SNAP91: variants seen among roughly 807,000 people sequenced by gnomAD.
The protein encoded by SNAP91 is clathrin coat assembly protein AP180.
In SNAP91, 27 loss-of-function variants were observed where a neutral mutation model predicts 100.3. The observed-to-expected ratio is 0.27, with a 90% confidence interval of 0.20 to 0.37. The LOEUF (loss-of-function observed/expected upper bound fraction) is 0.37. Ranked by LOEUF, SNAP91 falls within the 10% of genes least tolerant of loss-of-function variation. The pLI, the probability that SNAP91 is intolerant of heterozygous loss-of-function variation, is 1.00. For synonymous variants in SNAP91, 404 were observed against 398.6 expected (o/e 1.01, Z -0.16); for missense variants, 986 against 1,123.7 (o/e 0.88, Z 1.75).
rs148301618 is a variant in SNAP91 at position 83,670,909 on chromosome 6, T to C, written c.131-5328A>G. Among the ~76,000 whole-genome samples, 3 of 152,082 alleles carry C rather than the reference T, an allele frequency of 2.0e-5. No homozygotes were observed. In the East Asian group the frequency reaches 5.8e-4, roughly 29 times the overall value. On this transcript the variant is annotated intron_variant, in intron 2 of 29. Coordinates refer to ENST00000369694, the MANE Select transcript of SNAP91 (RefSeq NM_001242792.2). The stretch of plus-strand genomic sequence containing the variant: ...CCACACTACTTTGATTACTATAAAT[T>C]TATCATAATTCATAAAATCAGATAG...
rs118008287 is a variant in SNAP91, at chr6:83,707,510, C to G, written c.130+288G>C. ...ATCTAATTCAGTGTGTACAATCTCT[C>G]TCTTGTGTGTGTGTATATACATATG... On this transcript the variant is annotated intron_variant, in intron 2 of 29. Transcript: ENST00000369694. Among the ~76,000 whole-genome samples, 13 of 148,296 alleles carry G rather than the reference C, an allele frequency of 8.8e-5. No homozygotes were observed. In the East Asian group the frequency reaches 2.6e-3, roughly 30 times the overall value.
At chr6:83,631,569 G>A (rs578262192) in intron 8 of SNAP91, among the ~76,000 whole-genome samples, 127 of 152,124 alleles carry the variant, frequency 8.3e-4, no homozygotes, top group African/African-American at 2.9e-3. Context: ...CCTGTTGGAC[G>A]AGACTTTTAT....
At position 83,705,893 on chromosome 6, in the gene SNAP91, G is replaced by A. The variant is rs114862584; in HGVS notation, c.130+1905C>T. On this transcript the variant is annotated intron_variant, in intron 2 of 29. Coordinates refer to ENST00000369694, the MANE Select transcript of SNAP91 (RefSeq NM_001242792.2). ...AGATTAATAATATAAAGTTCAGTTC[G>A]TGCTATATAGTAACTGCTCAATAAA... Among the ~76,000 whole-genome samples the A allele has an allele frequency of 2.8e-3, 422 of 151,842 alleles. 2 individuals carry two copies. The highest frequency in any genetic ancestry group is 9.8e-3 in the African/African-American group (407 of 41,408).
chr6:83,647,973 C>T (rs2098020403), intron 7 of SNAP91, among the ~76,000 whole-genome samples: 1 of 152,130 alleles, frequency 6.6e-6, no homozygotes, highest in Non-Finnish European at 1.5e-5. Flanking sequence ...CAAAAGTCAC[C>T]TCTTAAAAGT....
chr6:83,564,953 A>G (rs1794532899), intron 26 of SNAP91, among the ~76,000 whole-genome samples: 1 of 151,718 alleles, frequency 6.6e-6, no homozygotes, highest in Non-Finnish European at 1.5e-5. Flanking sequence ...GGACACTATC[A>G]AGAAAATGAA....
At chr6:83,570,894 CCA>C (rs978910233) in intron 26 of SNAP91, among the ~76,000 whole-genome samples, 2 of 152,116 alleles carry the variant, frequency 1.3e-5, no homozygotes, top group African/African-American at 4.8e-5. Flanking sequence ...ATGGGGGCCC[CCA>C]CACAGAGTCC....
intron 28 of SNAP91, 144 bp downstream of exon 28, chr6:83,559,960 A>C: frequency 1.5e-6 from 1 of 681,138 alleles, no homozygotes; most frequent in Non-Finnish European, 2.6e-6. Context: ...ACTTTTGCAG[A>C]TCTGTCTTCC....
intron 9 of SNAP91, among the ~76,000 whole-genome samples, chr6:83,617,866 T>C (rs1407363829): frequency 1.3e-5 from 2 of 151,860 alleles, no homozygotes; most frequent in Non-Finnish European, 3.0e-5. Context: ...TAATACAAAT[T>C]AGACCTTAAC....
In SNAP91 at chr6:83,707,399, C is replaced by CTT. The variant is rs879661598; in HGVS notation, c.130+397_130+398dup. On this transcript the variant is annotated intron_variant, in intron 2 of 29. Coordinates refer to ENST00000369694, the MANE Select transcript of SNAP91 (RefSeq NM_001242792.2). ...CAAGTTTGACCTTCCATAAATTCATCTTTTTTTTTTTTGACTGTGCAACCT... is the reference window on the plus strand; with the variant it reads ...CAAGTTTGACCTTCCATAAATTCATCTTTTTTTTTTTTTTGACTGTGCAACCT... Among the ~76,000 whole-genome samples, 709 of 145,630 alleles carry CTT rather than the reference C, an allele frequency of 4.9e-3. 7 individuals are homozygous for CTT. Among genetic ancestry groups the CTT allele is most frequent in the African/African-American group, 0.016 (656 of 39,938 alleles).
At chr6:83,687,581 A>G (rs1451732487) in intron 2 of SNAP91, among the ~76,000 whole-genome samples, 1 of 152,068 alleles carries the variant, frequency 6.6e-6, no homozygotes, top group Non-Finnish European at 1.5e-5. Flanking sequence ...GCCATTATAA[A>G]CCCTTTGAAA....
chr6:83,616,673 A>T (rs1333213189), intron 10 of SNAP91, among the ~76,000 whole-genome samples: 1 of 152,170 alleles, frequency 6.6e-6, no homozygotes, highest in Non-Finnish European at 1.5e-5. Flanking sequence ...ATTTTTAAAC[A>T]GGAGTAACTA....
rs189038009 is a variant in SNAP91 at position 83,558,584 on chromosome 6, T to C, written c.2631+1520A>G. Among the ~76,000 whole-genome samples the C allele has an allele frequency of 8.7e-4, 132 of 152,336 alleles. 1 individual carries two copies. The highest frequency in any genetic ancestry group is 3.1e-3 in the African/African-American group (129 of 41,584). ...AAGTGAAGAAGCTGAAAGGAAATTTTGGGAACAGGTCAATGGATTTAGAGA... is the reference window on the plus strand; with the variant it reads ...AAGTGAAGAAGCTGAAAGGAAATTTCGGGAACAGGTCAATGGATTTAGAGA... On this transcript the variant is annotated intron_variant, in intron 28 of 29. Coordinates refer to ENST00000369694, the MANE Select transcript of SNAP91 (RefSeq NM_001242792.2).
At chr6:83,653,736 T>G (rs1255978412) in intron 7 of SNAP91, among the ~76,000 whole-genome samples, 1 of 152,178 alleles carries the variant, frequency 6.6e-6, no homozygotes. Flanking sequence ...TCTTTATTAA[T>G]GTAGTGTTAA....
intron 26 of SNAP91, among the ~76,000 whole-genome samples, chr6:83,566,464 T>C (rs1373975980): frequency 6.6e-6 from 1 of 152,202 alleles, no homozygotes; most frequent in Non-Finnish European, 1.5e-5. Flanking sequence ...GTAGGCTATT[T>C]ACCAGACCTG....
chr6:83,587,331 C>T (rs972558534), intron 22 of SNAP91, among the ~76,000 whole-genome samples: 2 of 152,034 alleles, frequency 1.3e-5, no homozygotes, highest in Non-Finnish European at 2.9e-5. Flanking sequence ...CAGTCTAAAC[C>T]TCCCATGACA....
rs1379417472 is a variant in SNAP91, at chr6:83,594,470, C to G, written c.1336G>C (p.Ala446Pro). The change falls in exon 17 of 30, where the codon GCT (alanine) becomes CCT (proline). Residue 446 changes from alanine (A) to proline (P), a missense_variant. Ala to Pro is a conservative substitution (Grantham distance 27). Around this residue, in one of 4 missense-constraint regions of SNAP91, gnomAD observed 575 missense variants for 579.9 expected, o/e 0.99. Transcript: ENST00000369694. Reference protein sequence around the residue: ...EVDLFGDAFAASPGEAPAASE... With the variant: ...EVDLFGDAFAPSPGEAPAASE... ...GCTGCAGGGGCCTCCCCAGGAGAAG[C>G]TGCAAAGGCATCTTGGGTGCGGTTT... 3 of 1,515,138 alleles carry G rather than the reference C, an allele frequency of 2.0e-6. No homozygotes were observed. Among genetic ancestry groups the G allele is most frequent in the African/African-American group, 2.8e-5 (2 of 70,628 alleles). 93.9% of individuals were successfully genotyped at this position (1,515,138 alleles called of 1,614,324 possible).
intron 2 of SNAP91, chr6:83,678,827 A>T: frequency 1.6e-6 from 2 of 1,280,552 alleles, no homozygotes; most frequent in Non-Finnish European, 2.0e-6. Context: ...GGAATCATCC[A>T]ATAAAAATCC....
Position 83,593,528 on chromosome 6 carries a change from G to C in SNAP91, c.1646C>G (p.Thr549Ser), listed in dbSNP as rs1562256373. The C allele has an allele frequency of 6.4e-7, 1 of 1,552,772 alleles. No homozygotes were observed. Among genetic ancestry groups the C allele is most frequent in the East Asian group, 2.4e-5 (1 of 40,978 alleles). ...ATAAATTTTTTSAATATTAPP... is the reference protein window; with the variant it reads ...ATAAATTTTTSSAATATTAPP... ...AGCAGTGGTGGCGGTGGCAGCGGAG[G>C]TGGTGGTAGTGGTGGTGGCAGCGGC... The change falls in exon 18 of 30, where the codon ACC becomes AGC. Residue 549 changes from threonine to serine, a missense_variant. By Grantham distance (58) the Thr-to-Ser change is moderately conservative. Coordinates refer to ENST00000369694, the MANE Select transcript of SNAP91 (RefSeq NM_001242792.2).
chr6:83,627,914 T>C (rs900712855), intron 8 of SNAP91, among the ~76,000 whole-genome samples: 1 of 151,786 alleles, frequency 6.6e-6, no homozygotes, highest in African/African-American at 2.4e-5. Flanking sequence ...CATGAGTAAG[T>C]CCTTTAGTAG....
Sources: gnomAD v4.1 joint callset for allele counts (sites outside exome capture counted in the v4.1 genomes callset) on GRCh38, gnomAD v4.1.1 for gene constraint, gnomAD v4.1.1 regional missense constraint, MANE v1.5 for transcripts, NCBI Gene and HGNC (gene_info 2026-07-23, HGNC 2026-07-21) for gene names.